CYP4Z1: variants seen among roughly 807,000 people sequenced by gnomAD.
CYP4Z1 encodes cytochrome P450 family 4 subfamily Z member 1.
A neutral mutation model predicts 54.2 loss-of-function variants in CYP4Z1; 41 were observed. The ratio of observed to expected loss-of-function variants is 0.76; its 90% CI spans 0.59 to 0.98. The LOEUF is 0.98. CYP4Z1 is among the 50% of genes least tolerant of loss of function. The pLI, the probability that CYP4Z1 is intolerant of heterozygous loss-of-function variation, is 0.00. For synonymous variants in CYP4Z1, 163 were observed against 206.2 expected, an observed-to-expected ratio of 0.79 and a Z score of 1.79; for missense variants, 513 against 599.0, an observed-to-expected ratio of 0.86 and a Z score of 1.50.
At chr1:47,063,336 T>C (rs988199770), upstream of CYP4Z1, among the ~76,000 whole-genome samples, 4 of 152,008 alleles carry the variant, frequency 2.6e-5, no homozygotes, top group South Asian at 8.3e-4. Context: ...CAAGGTTTTT[T>C]CACACCCCCA....
chr1:47,118,188 G>A lies in CYP4Z1; in HGVS notation c.*254G>A, dbSNP rs1044177567. Reference sequence around the variant, plus strand: ...GGGAAATTATTGGTTTGTGTAACTAGTGGTAGAGTGGCTTTCAAGCATAGT... The same window carrying A: ...GGGAAATTATTGGTTTGTGTAACTAATGGTAGAGTGGCTTTCAAGCATAGT... On this transcript the variant is annotated 3_prime_UTR_variant, in exon 12 of 12. Coordinates refer to ENST00000334194, the MANE Select transcript of CYP4Z1 (RefSeq NM_178134.3). 31 of 346,194 alleles carry A rather than the reference G, an allele frequency of 9.0e-5. No homozygotes were observed. Among genetic ancestry groups the A allele is most frequent in the African/African-American group, 6.4e-4 (31 of 48,326 alleles). The allele number at this position is 346,194 out of a possible 1,614,324, so 21.4% of individuals were successfully genotyped here.
At chr1:47,066,007 A>G (rs946602628), upstream of CYP4Z1, among the ~76,000 whole-genome samples, 3 of 152,162 alleles carry the variant, frequency 2.0e-5, no homozygotes, top group African/African-American at 7.2e-5. Context: ...GAACAGACCA[A>G]TAACAAGCAG....
intron 9 of CYP4Z1, among the ~76,000 whole-genome samples, chr1:47,112,599 T>G (rs1204770357): frequency 1.3e-5 from 2 of 152,140 alleles, no homozygotes; most frequent in Non-Finnish European, 2.9e-5. Flanking sequence ...AATAAAATAT[T>G]AGTACACATA....
intron 2 of CYP4Z1, among the ~76,000 whole-genome samples, chr1:47,073,843 CAA>C (rs1260892845): frequency 2.0e-5 from 3 of 152,144 alleles, no homozygotes; most frequent in African/African-American, 7.3e-5. Flanking sequence ...ATATAGTACA[CAA>C]GTTTTTTTAT....
intron 2 of CYP4Z1, among the ~76,000 whole-genome samples, chr1:47,079,874 AG>A (rs1644551019): frequency 2.2e-5 from 3 of 137,872 alleles, no homozygotes; most frequent in Non-Finnish European, 3.1e-5. Flanking sequence ...AGAGGGAGAG[AG>A]AGAGAGAGAG....
chr1:47,063,244 T>C (rs190839932), upstream of CYP4Z1, among the ~76,000 whole-genome samples: 1 of 152,058 alleles, frequency 6.6e-6, no homozygotes, highest in African/African-American at 2.4e-5. Flanking sequence ...ACAGCAGCCC[T>C]TGAATCCCAG....
At chr1:47,104,109 G>A (rs1269663606) in intron 8 of CYP4Z1, among the ~76,000 whole-genome samples, 6 of 152,120 alleles carry the variant, frequency 3.9e-5, no homozygotes. Context: ...GCTTTCATAG[G>A]GGAGGACTTT....
Position 47,067,503 on chromosome 1 carries a change from T to C in CYP4Z1, c.13T>C (p.Trp5Arg), listed in dbSNP as rs751710132. 4 of 1,609,784 alleles carry C rather than the reference T, an allele frequency of 2.5e-6. No homozygotes were observed. Among genetic ancestry groups the C allele is most frequent in the Non-Finnish European group, 3.4e-6 (4 of 1,177,696 alleles). The change falls in exon 1 of 12, where the codon TGG (tryptophan) becomes CGG (arginine). Residue 5 changes from tryptophan (W) to arginine (R), a missense_variant. Physicochemically the swap from Trp to Arg is moderately radical, Grantham distance 101. Transcript: ENST00000334194. MEPS[W>R]LQELMAHPFL... Reference sequence around the variant, plus strand: ...ACCTCTGAGAAGAATGGAGCCCTCCTGGCTTCAGGAACTCATGGCTCACCC... The same window carrying C: ...ACCTCTGAGAAGAATGGAGCCCTCCCGGCTTCAGGAACTCATGGCTCACCC...
chr1:47,106,005 A>T, intron 8 of CYP4Z1, 123 bp from the exon 9 acceptor site: 1 of 1,188,962 alleles, frequency 8.4e-7, no homozygotes, highest in Non-Finnish European at 1.2e-6. Context: ...GATACATCTG[A>T]AGTCCTCCTT....
At chr1:47,082,123 AC>A (rs1460737419) in intron 3 of CYP4Z1, among the ~76,000 whole-genome samples, 23 of 151,620 alleles carry the variant, frequency 1.5e-4, no homozygotes, top group African/African-American at 5.1e-4. Flanking sequence ...GATAGGATGG[AC>A]CTTTTTTTGA....
At position 47,068,645 on chromosome 1, in the gene CYP4Z1, G is replaced by C; in HGVS notation, c.201G>C (p.Glu67Asp). Residue 67 changes from glutamate (E) to aspartate (D), a missense_variant, in exon 2 of 12, where the codon GAG becomes GAC. Glu to Asp is a conservative substitution (Grantham distance 45). Transcript: ENST00000334194. ...HKEFYPVKEF[E>D]VYHKLMEKYP... ...AGTTTTACCCAGTAAAGGAGTTTGA[G>C]GTGTATCATAAGCTGATGGAAAAAT... 6.2e-7 allele frequency: 1 copy of C among 1,614,144 alleles called. No individual in the cohort carries two copies. The highest frequency in any genetic ancestry group is 8.5e-7 in the Non-Finnish European group (1 of 1,179,994).
At chr1:47,077,104 T>C (rs967952785) in intron 2 of CYP4Z1, among the ~76,000 whole-genome samples, 21 of 151,776 alleles carry the variant, frequency 1.4e-4, no homozygotes, top group Non-Finnish European at 2.2e-4. Flanking sequence ...GGCATAATTA[T>C]AGTGTTGTTC....
chr1:47,103,413 A>G (rs1210985618), intron 8 of CYP4Z1, among the ~76,000 whole-genome samples: 1 of 151,758 alleles, frequency 6.6e-6, no homozygotes, highest in Non-Finnish European at 1.5e-5. Context: ...CCTGGCCTCA[A>G]GCCATCTTAC....
At chr1:47,106,766 C>T (rs1446173511) in intron 9 of CYP4Z1, among the ~76,000 whole-genome samples, 2 of 152,228 alleles carry the variant, frequency 1.3e-5, no homozygotes, top group East Asian at 3.9e-4. Context: ...TGAAGGCCAA[C>T]CTTTGTGTTC....
intron 2 of CYP4Z1, among the ~76,000 whole-genome samples, chr1:47,079,270 C>A (rs28546704): frequency 0.046 from 7,029 of 152,204 alleles, 368 homozygotes; most frequent in African/African-American, 0.13. Flanking sequence ...AATTGCAATG[C>A]CACCAATCTT....
chr1:47,092,053 G>C (rs951830588), intron 6 of CYP4Z1, among the ~76,000 whole-genome samples: 1 of 152,020 alleles, frequency 6.6e-6, no homozygotes, highest in Non-Finnish European at 1.5e-5. Context: ...GGACCCATCA[G>C]TCCTGCTGGA....
At chr1:47,114,912 G>C (rs57761947) in intron 9 of CYP4Z1, among the ~76,000 whole-genome samples, 2,562 of 152,266 alleles carry the variant, frequency 0.017, 77 homozygotes, top group African/African-American at 0.059. Context: ...TCTAGAACTA[G>C]AAATACCATT....
In CYP4Z1 at chr1:47,084,640, T is replaced by C. The variant is rs1171323284; in HGVS notation, c.513T>C (p.Ile171=). The C allele has an allele frequency of 6.2e-7, 1 of 1,604,826 alleles. No individual in the cohort carries two copies. The highest frequency in any genetic ancestry group is 2.3e-5 in the East Asian group (1 of 44,106). Reference sequence around the variant, plus strand: ...CCCAGAACAAATGGGAGGAACACATTGCCCAAAACTCACGTCTGGAGCTCT... The same window carrying C: ...CCCAGAACAAATGGGAGGAACACATCGCCCAAAACTCACGTCTGGAGCTCT... ...RMMLNKWEEH[I]AQNSRLELFQ... Residue 171 remains isoleucine, a synonymous_variant, in exon 5 of 12, where the codon ATT becomes ATC. Coordinates refer to ENST00000334194, the MANE Select transcript of CYP4Z1 (RefSeq NM_178134.3).
At chr1:47,100,608 T>C (rs1258969301) in intron 8 of CYP4Z1, among the ~76,000 whole-genome samples, 1 of 152,204 alleles carries the variant, frequency 6.6e-6, no homozygotes, top group Admixed American at 6.5e-5. Flanking sequence ...GTAACTCTTA[T>C]TTTACTTAAT....
Sources: allele counts gnomAD v4.1 joint callset (sites outside exome capture counted in the v4.1 genomes callset), GRCh38; gene constraint gnomAD v4.1.1; transcripts MANE v1.5; gene names NCBI Gene and HGNC (gene_info 2026-07-23, HGNC 2026-07-21).